Variants in MORN1 observed in about 807,000 individuals in gnomAD.
The protein encoded by MORN1 is MORN repeat-containing protein 1.
Under a neutral mutation model 61.9 loss-of-function variants are expected in MORN1, and 67 were observed. The observed-to-expected ratio is 1.08, with a 90% CI of 0.89 to 1.33. The LOEUF is 1.33. Ranked by LOEUF, MORN1 falls within the 40% of genes most tolerant of loss-of-function variation. The pLI is 0.00. For synonymous variants in MORN1, 301 were observed against 292.0 expected, an observed-to-expected ratio of 1.03 and a Z score of -0.31; for missense variants, 752 against 691.2, an observed-to-expected ratio of 1.09 and a Z score of -0.99.
intron 8 of MORN1, among the ~76,000 whole-genome samples, chr1:2,367,205 A>G (rs1258401850): frequency 6.6e-6 from 1 of 152,034 alleles, no homozygotes; most frequent in African/African-American, 2.4e-5. Context: ...AAGACATTAC[A>G]AGAAAAGAAA....
At chr1:2,324,991 C>T (rs1323723481) in intron 12 of MORN1, among the ~76,000 whole-genome samples, 1 of 151,686 alleles carries the variant, frequency 6.6e-6, no homozygotes, top group Non-Finnish European at 1.5e-5. Flanking sequence ...CGGCAGGTGC[C>T]TCCGATGCTC....
At chr1:2,322,899 C>A in intron 13 of MORN1, 2 of 985,430 alleles carry the variant, frequency 2.0e-6, no homozygotes, top group South Asian at 9.4e-5. Context: ...GGCCACCGTG[C>A]GGCAGGCCGG....
rs965697453 is a variant in MORN1 at position 2,333,319 on chromosome 1, C to T, written c.1250+3150G>A. Among the ~76,000 whole-genome samples the T allele has an allele frequency of 7.2e-5, 11 of 152,282 alleles. No individual in the cohort carries two copies. In the East Asian group the frequency reaches 1.7e-3, roughly 24 times the overall value. On this transcript the variant is annotated intron_variant, in intron 12 of 13. Transcript: ENST00000378531. ...GGGATGCCAGCTGGGACCCAGCAGC[C>T]GGGTCAGCCCCGGGCCCAGCTCCCG...
intron 10 of MORN1, among the ~76,000 whole-genome samples, chr1:2,340,190 C>T (rs944307063): frequency 2.0e-5 from 3 of 152,236 alleles, no homozygotes; most frequent in Admixed American, 1.3e-4. Context: ...TAGGCTTGCC[C>T]CTCCTCTGTT....
intron 10 of MORN1, chr1:2,351,763 C>A: frequency 3.6e-6 from 2 of 558,300 alleles, no homozygotes; most frequent in Non-Finnish European, 7.1e-6. Context: ...TTGTCAAAAG[C>A]CTTGAAGGTG....
Position 2,321,489 on chromosome 1 carries a change from G to A in MORN1, c.1388C>T (p.Ala463Val), listed in dbSNP as rs1358522166. The stretch of plus-strand genomic sequence containing the variant: ...ATGGGGTGGCTGGCCAGCCCTCTTC[G>A]CTACGACCCGCAGGTGTTTGAAGGC... ...PPAFKHLRVV[A>V]KRAGQPPHVL... Residue 463 changes from alanine to valine, a missense_variant, in exon 14 of 14, where the codon GCG becomes GTG. By Grantham distance (64) the Ala-to-Val change is moderately conservative. Coordinates refer to ENST00000378531, the MANE Select transcript of MORN1 (RefSeq NM_024848.3). 11 of 1,527,474 alleles carry A rather than the reference G, an allele frequency of 7.2e-6. No homozygotes were observed. The highest frequency in any genetic ancestry group is 4.9e-5 in the South Asian group (4 of 81,166). The allele number at this position is 1,527,474 out of a possible 1,614,324, so 94.6% of individuals were successfully genotyped here.
rs145164672 is a variant in MORN1 at position 2,354,006 on chromosome 1, C to G, written c.1036+3426G>C. ...AAGGGAAGATAAAGACTAAAGAGGC[C>G]GGGCATGGTGGCTCACGCCTGTGAT... On this transcript the variant is annotated intron_variant, in intron 10 of 13. Transcript: ENST00000378531. 5.1e-4 allele frequency among the ~76,000 whole-genome samples: 77 copies of G among 152,308 alleles called. No homozygotes were observed. The South Asian group carries it at 9.9e-3, about 20-fold the overall frequency.
intron 10 of MORN1, among the ~76,000 whole-genome samples, chr1:2,346,534 C>T (rs565409037): frequency 5.9e-5 from 9 of 152,162 alleles, no homozygotes; most frequent in East Asian, 3.9e-4. Flanking sequence ...TACAGGCGCC[C>T]GCCACCACAC....
rs187096505 is a variant in MORN1 at position 2,334,823 on chromosome 1, C to T, written c.1250+1646G>A. On this transcript the variant is annotated intron_variant, in intron 12 of 13. Transcript: ENST00000378531. The surrounding 1 kb of genome is among the most constrained non-coding windows in gnomAD (Gnocchi z 5.4). ...CTCCGTTCTCTCAGGTGGAAAAGAACGAAAGCCTTCTTTCTGCTGAAATAA... is the reference window on the plus strand; with the variant it reads ...CTCCGTTCTCTCAGGTGGAAAAGAATGAAAGCCTTCTTTCTGCTGAAATAA... Among the ~76,000 whole-genome samples, 8 of 152,334 alleles carry T rather than the reference C, an allele frequency of 5.3e-5. 1 individual carries two copies. The East Asian group carries it at 5.8e-4, about 11-fold the overall frequency.
intron 8 of MORN1, chr1:2,363,440 C>CA (rs1253401252): frequency 2.0e-5 from 3 of 152,114 alleles, no homozygotes; most frequent in Admixed American, 6.5e-5. Flanking sequence ...CCTCAAATAA[C>CA]AAAACAAAGA....
At chr1:2,346,891 C>A (rs1641530768) in intron 10 of MORN1, among the ~76,000 whole-genome samples, 1 of 152,316 alleles carries the variant, frequency 6.6e-6, no homozygotes, top group African/African-American at 2.4e-5. Flanking sequence ...TGGGGCCCAG[C>A]TCTCCCTGCC....
In MORN1 at chr1:2,374,536, A is replaced by C; in HGVS notation, c.559T>G (p.Phe187Val). ...TGGGCCATGCTGCCCAGTCCACTGA[A>C]GACGTCGCTGTGCCACTGTCCCTGC... ...TYKGQWHSDV[F>V]SGLGSMAHCS... is the part of the protein sequence containing the mutation. The change falls in exon 7 of 14, where the codon TTC (phenylalanine) becomes GTC (valine). Residue 187 changes from phenylalanine to valine, a missense_variant. By Grantham distance (50) the Phe-to-Val change is conservative (BLOSUM62 -1). Transcript: ENST00000378531. The C allele has an allele frequency of 6.3e-7, 1 of 1,598,782 alleles. No homozygotes were observed. Among genetic ancestry groups the C allele is most frequent in the South Asian group, 1.1e-5 (1 of 87,798 alleles).
chr1:2,322,082 A>G (rs1430558550), intron 13 of MORN1: 20 of 985,240 alleles, frequency 2.0e-5, no homozygotes, highest in Admixed American at 6.1e-5. Context: ...CCCCTTCCCC[A>G]CACCCGCGCT....
Position 2,386,189 on chromosome 1 carries a change from G to A in MORN1, c.359-292C>T, listed in dbSNP as rs1050973736. The A allele has an allele frequency of 3.2e-5, 13 of 408,712 alleles. 1 individual carries two copies. The highest frequency in any genetic ancestry group is 1.4e-4 in the African/African-American group (7 of 49,644). 25.3% of individuals were successfully genotyped at this position (408,712 alleles called of 1,614,324 possible). The stretch of plus-strand genomic sequence containing the variant: ...GTCCAGTTCTGAAAGGTGCGGTTGA[G>A]GGGCCCTGCGGACTGCCATCTGAGG... On this transcript the variant is annotated intron_variant, in intron 4 of 13. Transcript: ENST00000378531.
At chr1:2,373,967 C>T (rs1287723666) in intron 7 of MORN1, among the ~76,000 whole-genome samples, 2 of 152,216 alleles carry the variant, frequency 1.3e-5, no homozygotes, top group Non-Finnish European at 2.9e-5. Flanking sequence ...GAACTTGGCC[C>T]CGAGGTTTGG....
Position 2,355,527 on chromosome 1 carries a change from T to A in MORN1, c.1036+1905A>T, listed in dbSNP as rs1431695484. The A allele has an allele frequency of 7.2e-6, 11 of 1,536,754 alleles. No homozygotes were observed. In the East Asian group the frequency reaches 2.5e-4, roughly 34 times the overall value. ...GCTTCTAGCCACCAGCTGGGTGAGGTTTCTGGGGGCAGGGGCACGGGCATG... is the reference window on the plus strand; with the variant it reads ...GCTTCTAGCCACCAGCTGGGTGAGGATTCTGGGGGCAGGGGCACGGGCATG... On this transcript the variant is annotated intron_variant, in intron 10 of 13. Transcript: ENST00000378531.
intron 1 of MORN1, chr1:2,390,606 T>C: frequency 1.0e-6 from 1 of 985,302 alleles, no homozygotes; most frequent in Non-Finnish European, 1.2e-6. Context: ...TGGGAAAATG[T>C]CGGGGAGGAG....
rs1642142865 is a variant in MORN1, at chr1:2,372,437, T to C, written c.745+44A>G. On this transcript the variant is annotated intron_variant, in intron 8 of 13. Transcript: ENST00000378531. The surrounding 1 kb of genome is among the most constrained non-coding windows in gnomAD (Gnocchi z 5.4). ...ACTGCTTAAGAACCTGCTGCCTGTT[T>C]CTCTTTTGGAAACGTTAGGTCATCT... 6.8e-7 allele frequency: 1 copy of C among 1,473,368 alleles called. No homozygotes were observed. The highest frequency in any genetic ancestry group is 1.4e-5 in the African/African-American group (1 of 71,266). The allele number at this position is 1,473,368 out of a possible 1,614,324, so 91.3% of individuals were successfully genotyped here.
chr1:2,334,430 G>A lies in MORN1; in HGVS notation c.1250+2039C>T, dbSNP rs1026061724. 2.4e-4 allele frequency among the ~76,000 whole-genome samples: 36 copies of A among 152,172 alleles called. No homozygotes were observed. The highest frequency in any genetic ancestry group is 8.2e-4 in the African/African-American group (34 of 41,430). The stretch of plus-strand genomic sequence containing the variant: ...CATGCTGGGTTCTCAACCCAGGAGC[G>A]GGCAGAGCTTACGGAGAGTTCCCGA... On this transcript the variant is annotated intron_variant, in intron 12 of 13. Transcript: ENST00000378531. The surrounding 1 kb of genome is among the most constrained non-coding windows in gnomAD (Gnocchi z 5.4).
Sources: allele counts gnomAD v4.1 joint callset (sites outside exome capture counted in the v4.1 genomes callset), GRCh38; gene constraint gnomAD v4.1.1; non-coding constraint Gnocchi (gnomAD v3.1); transcripts MANE v1.5; gene names NCBI Gene and HGNC (gene_info 2026-07-23, HGNC 2026-07-21).